GATB: variants seen among roughly 807,000 people sequenced by gnomAD.
GATB encodes glutamyl-tRNA amidotransferase subunit B.
GATB carries 39 observed loss-of-function variants against 62.3 expected under a neutral mutation model. The observed-to-expected ratio is 0.63, with a 90% CI of 0.48 to 0.82. The LOEUF is 0.82. GATB is among the 40% of genes least tolerant of loss of function. GATB has a pLI of 0.00. For missense variants in GATB, 670 were observed against 684.0 expected, an observed-to-expected ratio of 0.98 and a Z score of 0.23; for synonymous variants, 276 against 258.9, an observed-to-expected ratio of 1.07 and a Z score of -0.63.
intron 2 of GATB, among the ~76,000 whole-genome samples, chr4:151,740,482 A>G (rs188216103): frequency 7.5e-4 from 115 of 152,354 alleles, no homozygotes; most frequent in African/African-American, 2.6e-3. Context: ...ATTGTCATGT[A>G]TTATGCCATG....
chr4:151,727,494 G>C (rs568527574), intron 2 of GATB, among the ~76,000 whole-genome samples: 18 of 152,364 alleles, frequency 1.2e-4, no homozygotes, highest in African/African-American at 4.3e-4. Context: ...TTGGTGGCCA[G>C]TAAAAGACAA....
intron 2 of GATB, among the ~76,000 whole-genome samples, chr4:151,747,401 C>G (rs534168586): frequency 2.6e-5 from 4 of 152,212 alleles, no homozygotes; most frequent in Non-Finnish European, 5.9e-5. Context: ...AAATCTGAGC[C>G]CTTGACCCTG....
Position 151,679,852 on chromosome 4 carries a change from C to G in GATB, c.1371G>C (p.Leu457=), listed in dbSNP as rs759596188. The G allele has an allele frequency of 6.2e-7, 1 of 1,614,126 alleles. No individual in the cohort carries two copies. Among genetic ancestry groups the G allele is most frequent in the South Asian group, 1.1e-5 (1 of 91,072 alleles). The change falls in exon 11 of 13, where the codon CTG becomes CTC. Residue 457 remains leucine (L), a synonymous_variant. Coordinates refer to ENST00000263985, the MANE Select transcript of GATB (RefSeq NM_004564.3). The part of the protein sequence containing the change: ...TPSALAELLD[L]LDSRTISSSA... Reference sequence around the variant, plus strand: ...ATGAAGAAATTGTTCTGCTGTCCAGCAGGTCAAGAAGCTCAGCGAGTGCAG... The same window carrying G: ...ATGAAGAAATTGTTCTGCTGTCCAGGAGGTCAAGAAGCTCAGCGAGTGCAG...
intron 2 of GATB, among the ~76,000 whole-genome samples, chr4:151,729,666 A>G (rs1000166820): frequency 3.3e-5 from 5 of 152,202 alleles, no homozygotes; most frequent in Admixed American, 2.6e-4. Flanking sequence ...TCATTGTGCT[A>G]TTCTTTCAAC....
intron 2 of GATB, among the ~76,000 whole-genome samples, chr4:151,756,697 T>C (rs1739837337): frequency 6.6e-6 from 1 of 152,254 alleles, no homozygotes; most frequent in South Asian, 2.1e-4. Flanking sequence ...ACTGTGTTAT[T>C]GATATGCTTA....
chr4:151,755,015 T>C (rs1303424977), intron 2 of GATB, among the ~76,000 whole-genome samples: 3 of 152,198 alleles, frequency 2.0e-5, no homozygotes, highest in Non-Finnish European at 4.4e-5. Flanking sequence ...CCAATCATTA[T>C]GGGTATGCTA....
chr4:151,672,340 C>T (rs999989411), intron 12 of GATB, among the ~76,000 whole-genome samples: 3 of 152,166 alleles, frequency 2.0e-5, no homozygotes, highest in Admixed American at 1.3e-4. Flanking sequence ...AAGCATGAAG[C>T]TGAAGTTCCT....
chr4:151,720,196 G>A (rs969805879), intron 2 of GATB: 1 of 152,190 alleles, frequency 6.6e-6, no homozygotes, highest in Non-Finnish European at 1.5e-5. Flanking sequence ...CCCACTTACA[G>A]GAGTGAATGA....
intron 7 of GATB, 101 bp from the exon 8 acceptor site, chr4:151,703,996 C>G (rs1243838174): frequency 1.4e-6 from 1 of 736,428 alleles, no homozygotes; most frequent in Non-Finnish European, 2.3e-6. Context: ...CAGGCAAAAT[C>G]AAACTCTGTG....
chr4:151,716,950 T>C lies in GATB; in HGVS notation c.566A>G (p.Gln189Arg). ...IPKTVRIKQIQLEQDSGKSLH... is the reference protein window; with the variant it reads ...IPKTVRIKQIRLEQDSGKSLH... Reference sequence around the variant, plus strand: ...GCTTTTGCCACTGTCTTGCTCCAACTGGATCTGCTTGATCCTCACCGTCTT... The same window carrying C: ...GCTTTTGCCACTGTCTTGCTCCAACCGGATCTGCTTGATCCTCACCGTCTT... Residue 189 changes from glutamine (Q) to arginine (R), a missense_variant, in exon 4 of 13, where the codon CAG becomes CGG. Physicochemically the swap from Gln to Arg is conservative, Grantham distance 43. Coordinates refer to ENST00000263985, the MANE Select transcript of GATB (RefSeq NM_004564.3). 1 of 1,614,214 alleles carries C rather than the reference T, an allele frequency of 6.2e-7. No homozygotes were observed. Among genetic ancestry groups the C allele is most frequent in the Non-Finnish European group, 8.5e-7 (1 of 1,180,034 alleles).
In GATB at chr4:151,697,967, A is replaced by ATATATATATGTG. The variant is rs1560847762; in HGVS notation, c.1197+3361_1197+3362insCACATATATATA. Among the ~76,000 whole-genome samples the ATATATATATGTG allele has an allele frequency of 7.7e-4, 78 of 101,814 alleles. 1 individual carries two copies. The South Asian group carries it at 8.7e-3, about 11-fold the overall frequency. The allele number at this position is 101,814 out of a possible 152,430, so 66.8% of individuals were successfully genotyped here. On this transcript the variant is annotated intron_variant, in intron 9 of 12. Coordinates refer to ENST00000263985, the MANE Select transcript of GATB (RefSeq NM_004564.3). ...TGTGTGTGTGTGTATATATATATAT[A>ATATATATATGTG]TATATATATATATATATATATATAT...
Position 151,679,874 on chromosome 4 carries a change from G to A in GATB, c.1349C>T (p.Ala450Val). The A allele has an allele frequency of 6.2e-7, 1 of 1,614,124 alleles. No individual in the cohort carries two copies. Among genetic ancestry groups the A allele is most frequent in the Non-Finnish European group, 8.5e-7 (1 of 1,180,002 alleles). Residue 450 changes from alanine to valine, a missense_variant, in exon 11 of 13, where the codon GCA (alanine) becomes GTA (valine). Transcript: ENST00000263985. ...AVSESPVTPS[A>V]LAELLDLLDS... is the part of the protein sequence containing the mutation. ...CAGCAGGTCAAGAAGCTCAGCGAGT[G>A]CAGAGGGTGTGACAGGACTGGTGGC...
chr4:151,746,011 G>A (rs991383088), intron 2 of GATB, among the ~76,000 whole-genome samples: 3 of 152,212 alleles, frequency 2.0e-5, no homozygotes, highest in Non-Finnish European at 2.9e-5. Context: ...CAAAACAAGA[G>A]CAGAGCTTCT....
chr4:151,756,902 A>G (rs1035960285), intron 2 of GATB, among the ~76,000 whole-genome samples: 1 of 152,222 alleles, frequency 6.6e-6, no homozygotes, highest in South Asian at 2.1e-4. Context: ...TGTAATAAGT[A>G]TGGCCTGATA....
chr4:151,758,247 T>C (rs1739876455), intron 2 of GATB, among the ~76,000 whole-genome samples: 1 of 152,238 alleles, frequency 6.6e-6, no homozygotes, highest in Non-Finnish European at 1.5e-5. Context: ...TTCATTTATC[T>C]GCCTAAATTT....
intron 2 of GATB, among the ~76,000 whole-genome samples, chr4:151,735,734 G>GTATATATATCTATATATATA (rs1491213513): frequency 1.1e-5 from 1 of 93,614 alleles, no homozygotes; most frequent in African/African-American, 5.6e-5. Context: ...ATAAACTGTG[G>GTATATATATCTATATATATA]TGTATATATA....
At chr4:151,702,904 G>A (rs1350446870) in intron 8 of GATB, among the ~76,000 whole-genome samples, 2 of 152,104 alleles carry the variant, frequency 1.3e-5, no homozygotes, top group Non-Finnish European at 2.9e-5. Context: ...GAGTTAGTCT[G>A]GCTTCTGAGG....
intron 2 of GATB, among the ~76,000 whole-genome samples, chr4:151,734,905 A>G (rs566494775): frequency 1.3e-5 from 2 of 152,332 alleles, no homozygotes; most frequent in South Asian, 2.1e-4. Context: ...CTGCATTCTC[A>G]TCTCTCACCT....
At chr4:151,705,641 A>G (rs1180431432) in intron 6 of GATB, among the ~76,000 whole-genome samples, 2 of 152,160 alleles carry the variant, frequency 1.3e-5, no homozygotes, top group East Asian at 1.9e-4. Flanking sequence ...AGGCTCTGGT[A>G]TCCCCAAAAT....
Sources: gnomAD v4.1 joint callset for allele counts (sites outside exome capture counted in the v4.1 genomes callset) on GRCh38, gnomAD v4.1.1 for gene constraint, MANE v1.5 for transcripts, NCBI Gene and HGNC (gene_info 2026-07-23, HGNC 2026-07-21) for gene names.